The following FSTL5 variants were observed in gnomAD, a reference collection of about 807,000 sequenced individuals.
FSTL5 encodes the protein follistatin-related protein 5.
Under a neutral mutation model 89.1 loss-of-function variants are expected in FSTL5, and 62 were observed. The observed-to-expected ratio is 0.70, with a 90% CI of 0.57 to 0.86. The LOEUF (loss-of-function observed/expected upper bound fraction) is 0.86, where lower values mean the gene tolerates loss of function less well. FSTL5 is among the 40% of genes least tolerant of loss of function. The pLI, the probability that FSTL5 is intolerant of heterozygous loss-of-function variation, is 0.00. For missense variants in FSTL5, 1,057 were observed against 1,001.6 expected (o/e 1.06, Z -0.75); for synonymous variants, 383 against 346.2 (o/e 1.11, Z -1.18).
At chr4:162,156,147 G>A (rs1733460757) in intron 1 of FSTL5, among the ~76,000 whole-genome samples, 1 of 151,984 alleles carries the variant, frequency 6.6e-6, no homozygotes, top group African/African-American at 2.4e-5. Context: ...AATGCTCCAC[G>A]TCACAAATCA....
intron 8 of FSTL5, among the ~76,000 whole-genome samples, chr4:161,566,331 C>T (rs186054738): frequency 7.5e-4 from 113 of 151,616 alleles, no homozygotes; most frequent in Middle Eastern, 3.4e-3. Flanking sequence ...TGTATATGTA[C>T]CGCATTTTCT....
At chr4:162,012,972 T>C (rs761680156) in intron 3 of FSTL5, among the ~76,000 whole-genome samples, 7 of 152,032 alleles carry the variant, frequency 4.6e-5, no homozygotes, top group Non-Finnish European at 1.0e-4. Context: ...TCACATGAGG[T>C]CAGGAGTTCA....
chr4:161,675,384 A>T (rs1175059362), intron 6 of FSTL5, among the ~76,000 whole-genome samples: 1 of 151,608 alleles, frequency 6.6e-6, no homozygotes, highest in Admixed American at 6.6e-5. Context: ...AGAAATGAAC[A>T]CACATAACAC....
At chr4:162,005,119 C>G (rs374612494) in intron 3 of FSTL5, among the ~76,000 whole-genome samples, 2 of 152,164 alleles carry the variant, frequency 1.3e-5, no homozygotes, top group Non-Finnish European at 2.9e-5. Flanking sequence ...ATTTCTCTCG[C>G]TCCATTGTGT....
At chr4:161,416,209 C>G (rs1322938707) in intron 15 of FSTL5, among the ~76,000 whole-genome samples, 1 of 152,124 alleles carries the variant, frequency 6.6e-6, no homozygotes, top group Non-Finnish European at 1.5e-5. Flanking sequence ...TGTTCTTTTT[C>G]TCTGATGAGT....
At chr4:161,442,062 C>T (rs993036959) in intron 15 of FSTL5, among the ~76,000 whole-genome samples, 2 of 151,702 alleles carry the variant, frequency 1.3e-5, no homozygotes, top group Admixed American at 1.3e-4. Context: ...TAGGGACTTT[C>T]AATGGGATAG....
chr4:162,149,723 A>G (rs2111506883), intron 1 of FSTL5, among the ~76,000 whole-genome samples: 1 of 152,260 alleles, frequency 6.6e-6, no homozygotes, highest in African/African-American at 2.4e-5. Context: ...GTGTGTGTAT[A>G]TGTATATATG....
At chr4:162,006,289 G>A (rs1245601118) in intron 3 of FSTL5, among the ~76,000 whole-genome samples, 1 of 151,766 alleles carries the variant, frequency 6.6e-6, no homozygotes, top group East Asian at 1.9e-4. Flanking sequence ...GACTTTCCCT[G>A]TTTTATTCTA....
At position 161,390,414 on chromosome 4, in the gene FSTL5, G is replaced by A. The variant is rs552980162; in HGVS notation, c.1842-3965C>T. On this transcript the variant is annotated intron_variant, in intron 15 of 15. Transcript: ENST00000306100. The stretch of plus-strand genomic sequence containing the variant: ...GAGGAAGGAAGAGAACAGTATTTAG[G>A]GATGCATGGTTGAAAACCACAAAGC... 3.3e-5 allele frequency among the ~76,000 whole-genome samples: 5 copies of A among 152,152 alleles called. 1 individual carries two copies. In the South Asian group the frequency reaches 1.0e-3, roughly 32 times the overall value.
chr4:161,983,792 C>A (rs554795430), intron 3 of FSTL5, among the ~76,000 whole-genome samples: 12 of 152,124 alleles, frequency 7.9e-5, no homozygotes, highest in East Asian at 3.9e-4. Context: ...CCAAAGAGTG[C>A]AAAATTATGT....
intron 2 of FSTL5, among the ~76,000 whole-genome samples, chr4:162,077,271 C>G (rs1298603374): frequency 6.6e-6 from 1 of 151,700 alleles, no homozygotes; most frequent in East Asian, 2.0e-4. Flanking sequence ...TGAGCCCACT[C>G]CTACTCCCAT....
At chr4:162,149,617 C>T (rs1209685399) in intron 1 of FSTL5, among the ~76,000 whole-genome samples, 1 of 151,916 alleles carries the variant, frequency 6.6e-6, no homozygotes, top group African/African-American at 2.4e-5. Flanking sequence ...CATGCCACTG[C>T]ACTCCTGCCT....
chr4:161,758,495 C>T (rs1238270086), intron 6 of FSTL5, among the ~76,000 whole-genome samples: 6 of 151,886 alleles, frequency 4.0e-5, no homozygotes, highest in Non-Finnish European at 8.8e-5. Flanking sequence ...GTTTCTTAGT[C>T]CTTTCTCTTT....
At chr4:161,943,847 G>A (rs1019821849) in intron 3 of FSTL5, among the ~76,000 whole-genome samples, 13 of 151,754 alleles carry the variant, frequency 8.6e-5, no homozygotes, top group Non-Finnish European at 1.8e-4. Flanking sequence ...GAGCCACTGC[G>A]CCTGGCCCAT....
Position 161,970,778 on chromosome 4 carries a change from C to T in FSTL5, c.161-50126G>A, listed in dbSNP as rs141480334. ...AATAAAATCCCTATGGGAAAGTACA[C>T]ACATATTCAGAATATAGTCTCTGAA... On this transcript the variant is annotated intron_variant, in intron 3 of 15. Coordinates refer to ENST00000306100, the MANE Select transcript of FSTL5 (RefSeq NM_020116.5). Among the ~76,000 whole-genome samples the T allele has an allele frequency of 9.6e-3, 1,452 of 152,006 alleles. 23 individuals carry two copies. The highest frequency in any genetic ancestry group is 0.032 in the African/African-American group (1,316 of 41,482).
chr4:161,720,092 A>T (rs1739139605), intron 6 of FSTL5, among the ~76,000 whole-genome samples: 1 of 152,164 alleles, frequency 6.6e-6, no homozygotes, highest in Non-Finnish European at 1.5e-5. Context: ...AGCAAGGGAA[A>T]GAATCAACAA....
At chr4:161,724,372 AC>A (rs1739321581) in intron 6 of FSTL5, among the ~76,000 whole-genome samples, 1 of 152,200 alleles carries the variant, frequency 6.6e-6, no homozygotes, top group Non-Finnish European at 1.5e-5. Context: ...GATCAAAAAA[AC>A]GCATCATGTT....
intron 3 of FSTL5, among the ~76,000 whole-genome samples, chr4:161,926,422 T>G (rs944208072): frequency 6.6e-6 from 1 of 150,966 alleles, no homozygotes; most frequent in Admixed American, 6.6e-5. Context: ...GTTTTTTGTT[T>G]TTTTACAAGA....
intron 6 of FSTL5, among the ~76,000 whole-genome samples, chr4:161,718,702 A>G (rs1739089658): frequency 6.6e-6 from 1 of 152,206 alleles, no homozygotes; most frequent in South Asian, 2.1e-4. Context: ...TGCTGGGATT[A>G]CAGGTGTGAG....
Sources: allele counts gnomAD v4.1 joint callset (sites outside exome capture counted in the v4.1 genomes callset), GRCh38; gene constraint gnomAD v4.1.1; transcripts MANE v1.5; gene names NCBI Gene and HGNC (gene_info 2026-07-23, HGNC 2026-07-21).